DIS3L2: variants seen among roughly 807,000 people sequenced by gnomAD.
The protein encoded by DIS3L2 is DIS3 like 3'-5' exoribonuclease 2.
In DIS3L2, 34 loss-of-function variants were observed where a neutral mutation model predicts 97.5. The ratio of observed to expected loss-of-function variants is 0.35; its 90% CI spans 0.27 to 0.46. DIS3L2 has a LOEUF of 0.46. Ranked by LOEUF, DIS3L2 falls within the 20% of genes least tolerant of loss-of-function variation. The probability of loss-of-function intolerance (pLI) is 1.00; values close to 1 mark genes in which losing one functional copy is unlikely to be tolerated. For synonymous variants in DIS3L2, 435 were observed against 445.2 expected, an observed-to-expected ratio of 0.98 and a Z score of 0.29; for missense variants, 1,038 against 1,146.0, an observed-to-expected ratio of 0.91 and a Z score of 1.36.
At chr2:232,139,628 G>C (rs948479476) in intron 8 of DIS3L2, among the ~76,000 whole-genome samples, 1 of 152,118 alleles carries the variant, frequency 6.6e-6, no homozygotes, top group Non-Finnish European at 1.5e-5. Context: ...AAAACAGAAT[G>C]TTCTAAGTTC....
At chr2:232,034,894 G>A (rs1694909427) in intron 5 of DIS3L2, among the ~76,000 whole-genome samples, 1 of 152,104 alleles carries the variant, frequency 6.6e-6, no homozygotes, top group South Asian at 2.1e-4. Flanking sequence ...CAATTATGTG[G>A]TCAGTTTTAG....
intron 9 of DIS3L2, among the ~76,000 whole-genome samples, chr2:232,184,933 C>T (rs974477311): frequency 1.3e-5 from 2 of 152,270 alleles, no homozygotes; most frequent in East Asian, 1.9e-4. Context: ...TTCCAGGGCC[C>T]GTCTTGAATG....
intron 3 of DIS3L2, among the ~76,000 whole-genome samples, chr2:232,021,500 T>C (rs1174020106): frequency 6.6e-6 from 1 of 151,820 alleles, no homozygotes; most frequent in Admixed American, 6.6e-5. Flanking sequence ...ATCCAGGCTG[T>C]GAACGTGGGA....
chr2:232,102,568 A>G (rs760781877), intron 6 of DIS3L2, among the ~76,000 whole-genome samples: 1 of 152,222 alleles, frequency 6.6e-6, no homozygotes, highest in Non-Finnish European at 1.5e-5. Flanking sequence ...AAACGAAACT[A>G]TGTGGTTGTG....
At chr2:232,181,180 C>T (rs540677683) in intron 9 of DIS3L2, among the ~76,000 whole-genome samples, 110 of 147,774 alleles carry the variant, frequency 7.4e-4, no homozygotes, top group South Asian at 1.7e-3. Flanking sequence ...CCGAGAGATC[C>T]GCTGTTAGTC....
intron 6 of DIS3L2, among the ~76,000 whole-genome samples, chr2:232,095,315 T>A (rs1056955391): frequency 6.6e-6 from 1 of 152,192 alleles, no homozygotes; most frequent in South Asian, 2.1e-4. Flanking sequence ...TTTTGTGTAT[T>A]TGTTGTATGT....
chr2:232,127,217 A>G (rs1023610575), intron 6 of DIS3L2, among the ~76,000 whole-genome samples: 1 of 152,118 alleles, frequency 6.6e-6, no homozygotes, highest in South Asian at 2.1e-4. Flanking sequence ...TTCATTTTGA[A>G]TTGCTTACTC....
At position 232,146,628 on chromosome 2, in the gene DIS3L2, T is replaced by TCTGC. The variant is rs1690222846; in HGVS notation, c.950+9911_950+9914dup. Among the ~76,000 whole-genome samples, 3 of 152,140 alleles carry TCTGC rather than the reference T, an allele frequency of 2.0e-5. No homozygotes were observed. The South Asian group carries it at 6.2e-4, about 32-fold the overall frequency. On this transcript the variant is annotated intron_variant, in intron 8 of 20. Coordinates refer to ENST00000325385, the MANE Select transcript of DIS3L2 (RefSeq NM_152383.5). The stretch of plus-strand genomic sequence containing the variant: ...ATGTGACACAAAAAGGGAGACCCTG[T>TCTGC]CTGCCAACAATGCTATTGACTACAG...
At chr2:232,182,547 T>A (rs1301131382) in intron 9 of DIS3L2, among the ~76,000 whole-genome samples, 2 of 152,242 alleles carry the variant, frequency 1.3e-5, no homozygotes, top group African/African-American at 4.8e-5. Flanking sequence ...GAATTCTACA[T>A]TTCTCCCTTA....
chr2:232,255,861 T>C (rs1014733451), intron 12 of DIS3L2, among the ~76,000 whole-genome samples: 57 of 152,200 alleles, frequency 3.7e-4, no homozygotes, highest in African/African-American at 1.4e-3. Context: ...ACTTTGGTCT[T>C]TCTCTCATGC....
At chr2:231,970,378 A>G (rs959996994) in intron 1 of DIS3L2, among the ~76,000 whole-genome samples, 1 of 152,206 alleles carries the variant, frequency 6.6e-6, no homozygotes, top group Non-Finnish European at 1.5e-5. Context: ...CATAGAGTGT[A>G]CTTTCACAAA....
intron 12 of DIS3L2, chr2:232,260,058 G>A (rs1693676219): frequency 6.6e-6 from 1 of 152,328 alleles, no homozygotes; most frequent in Admixed American, 6.5e-5. Context: ...GACCCTGGGA[G>A]GCTGCAGACC....
intron 5 of DIS3L2, among the ~76,000 whole-genome samples, chr2:232,080,370 T>A (rs988800826): frequency 2.6e-5 from 4 of 152,178 alleles, no homozygotes; most frequent in African/African-American, 9.7e-5. Flanking sequence ...GCTAGGCACT[T>A]AACTTTGGGA....
At chr2:232,274,676 A>G (rs1460905578) in intron 13 of DIS3L2, among the ~76,000 whole-genome samples, 1 of 152,230 alleles carries the variant, frequency 6.6e-6, no homozygotes, top group Non-Finnish European at 1.5e-5. Context: ...TTAAGTAAAT[A>G]TCATGGATCA....
chr2:232,334,688 G>A lies in DIS3L2; in HGVS notation c.2347G>A (p.Asp783Asn), dbSNP rs765980897. 3.7e-6 allele frequency: 6 copies of A among 1,610,736 alleles called. No homozygotes were observed. The highest frequency in any genetic ancestry group is 2.2e-5 in the South Asian group (2 of 90,604). ...GATGGGCATCCTGAAGCAAGCCTTCGACGTGCTGGTGCTGCGCTACGGCGT... is the reference window on the plus strand; with the variant it reads ...GATGGGCATCCTGAAGCAAGCCTTCAACGTGCTGGTGCTGCGCTACGGCGT... ...MVMGILKQAF[D>N]VLVLRYGVQK... Residue 783 changes from aspartate to asparagine, a missense_variant, in exon 19 of 21, where the codon GAC (aspartate) becomes AAC (asparagine). Asp to Asn is a conservative substitution (Grantham distance 23). Coordinates refer to ENST00000325385, the MANE Select transcript of DIS3L2 (RefSeq NM_152383.5).
chr2:232,310,177 A>C (rs1462151585), intron 14 of DIS3L2, among the ~76,000 whole-genome samples: 1 of 152,210 alleles, frequency 6.6e-6, no homozygotes, highest in East Asian at 1.9e-4. Context: ...GTTAGCTTGA[A>C]GAAGGCCTTT....
At chr2:232,306,459 A>AT (rs933702186) in intron 14 of DIS3L2, among the ~76,000 whole-genome samples, 2 of 150,818 alleles carry the variant, frequency 1.3e-5, no homozygotes, top group Non-Finnish European at 3.0e-5. Context: ...CTCTGACTTA[A>AT]TTTTTTTTTC....
At chr2:231,992,337 T>C (rs72985678) in intron 1 of DIS3L2, among the ~76,000 whole-genome samples, 2,141 of 152,166 alleles carry the variant, frequency 0.014, 23 homozygotes, top group Non-Finnish European at 0.021. Flanking sequence ...GTACGGGCCA[T>C]GTTGGGGGAT....
chr2:232,335,928 C>T (rs1486302240), intron 20 of DIS3L2, 54 bp downstream of exon 20: 8 of 1,548,104 alleles, frequency 5.2e-6, no homozygotes, highest in East Asian at 2.4e-5. Context: ...CCTCTCCTGC[C>T]TCCTGCGGTG....
Sources: allele counts gnomAD v4.1 joint callset (sites outside exome capture counted in the v4.1 genomes callset), GRCh38; gene constraint gnomAD v4.1.1; transcripts MANE v1.5; gene names NCBI Gene and HGNC (gene_info 2026-07-23, HGNC 2026-07-21).